Variants in ULK4 observed in about 807,000 individuals in gnomAD.
ULK4 encodes unc-51 like kinase 4, also known as inactive serine/threonine-protein kinase ULK4.
In ULK4, 133 loss-of-function variants were observed where a neutral mutation model predicts 160.6. The observed-to-expected ratio is 0.83, with a 90% confidence interval of 0.72 to 0.96. The LOEUF (loss-of-function observed/expected upper bound fraction) is 0.96, where lower values mean the gene tolerates loss of function less well. ULK4 is among the 40% of genes least tolerant of loss of function. The pLI, the probability that ULK4 is intolerant of heterozygous loss-of-function variation, is 0.00. For missense variants in ULK4, 1,580 were observed against 1,499.5 expected (o/e 1.05, Z -0.89); for synonymous variants, 534 against 539.8 (o/e 0.99, Z 0.15).
intron 27 of ULK4, among the ~76,000 whole-genome samples, chr3:41,692,168 G>C (rs1001289295): frequency 7.3e-5 from 11 of 151,326 alleles, no homozygotes; most frequent in African/African-American, 2.7e-4. Flanking sequence ...AGCCAGGATC[G>C]TCTCGATCTC....
chr3:41,646,683 T>C (rs1357590745), intron 30 of ULK4, among the ~76,000 whole-genome samples: 1 of 152,224 alleles, frequency 6.6e-6, no homozygotes, highest in Non-Finnish European at 1.5e-5. Flanking sequence ...GGAGTTGCTC[T>C]TCTCAAGGAG....
intron 32 of ULK4, among the ~76,000 whole-genome samples, chr3:41,532,129 C>A (rs2125941647): frequency 6.6e-6 from 1 of 152,324 alleles, no homozygotes; most frequent in Middle Eastern, 3.4e-3. Context: ...CACCTGTGTA[C>A]TCCGACCGCA....
At chr3:41,678,094 T>A (rs1164064700) in intron 29 of ULK4, among the ~76,000 whole-genome samples, 1 of 151,970 alleles carries the variant, frequency 6.6e-6, no homozygotes, top group Admixed American at 6.6e-5. Context: ...CTCCTGGGTC[T>A]CCAGCTTGTC....
intron 35 of ULK4, among the ~76,000 whole-genome samples, chr3:41,366,938 A>T (rs1183762870): frequency 2.0e-5 from 3 of 152,200 alleles, no homozygotes; most frequent in African/African-American, 7.2e-5. Context: ...GAACTCTTCA[A>T]GCTGGTCTTG....
At chr3:41,478,880 T>C (rs1161279120) in intron 32 of ULK4, among the ~76,000 whole-genome samples, 1 of 152,244 alleles carries the variant, frequency 6.6e-6, no homozygotes, top group African/African-American at 2.4e-5. Flanking sequence ...AACTAAATTC[T>C]ATTCTTAGCT....
At chr3:41,858,815 T>C (rs1209062638) in intron 17 of ULK4, among the ~76,000 whole-genome samples, 4 of 145,444 alleles carry the variant, frequency 2.8e-5, no homozygotes, top group South Asian at 2.2e-4. Context: ...CAAATTCTTT[T>C]TTCCCCCCCA....
intron 34 of ULK4, among the ~76,000 whole-genome samples, chr3:41,440,370 T>C (rs1427141923): frequency 6.6e-6 from 1 of 152,138 alleles, no homozygotes; most frequent in Non-Finnish European, 1.5e-5. Context: ...TCATCAGAAA[T>C]AAATGTTAGA....
At position 41,403,911 on chromosome 3, in the gene ULK4, T is replaced by C. The variant is rs184690670; in HGVS notation, c.3493-5647A>G. On this transcript the variant is annotated intron_variant, in intron 34 of 36. Transcript: ENST00000301831. Reference sequence around the variant, plus strand: ...AAATTTTCCTATTGTCGTTCTCTTATTGATTTCTAGTTTGATTCTATTGTT... The same window carrying C: ...AAATTTTCCTATTGTCGTTCTCTTACTGATTTCTAGTTTGATTCTATTGTT... Among the ~76,000 whole-genome samples, 8 of 152,312 alleles carry C rather than the reference T, an allele frequency of 5.3e-5. No individual in the cohort carries two copies. The East Asian group carries it at 1.2e-3, about 22-fold the overall frequency.
At chr3:41,766,672 T>G (rs2039172076) in intron 21 of ULK4, 1 of 152,254 alleles carries the variant, frequency 6.6e-6, no homozygotes, top group Non-Finnish European at 1.5e-5. Context: ...TAAATTTTCT[T>G]AATCTTAGTG....
At chr3:41,765,893 T>C (rs2039145737) in intron 21 of ULK4, among the ~76,000 whole-genome samples, 1 of 152,168 alleles carries the variant, frequency 6.6e-6, no homozygotes, top group Non-Finnish European at 1.5e-5. Context: ...AAACAACTGA[T>C]AAAAGGACTC....
chr3:41,853,522 A>G (rs77308305), intron 17 of ULK4, among the ~76,000 whole-genome samples: 6,492 of 152,292 alleles, frequency 0.043, 428 homozygotes, highest in African/African-American at 0.15. Flanking sequence ...GGGTTAGATC[A>G]CGTACCCTAC....
At position 41,442,397 on chromosome 3, in the gene ULK4, T is replaced by C. The variant is rs767985395; in HGVS notation, c.3492+13100A>G. Among the ~76,000 whole-genome samples, 67 of 152,232 alleles carry C rather than the reference T, an allele frequency of 4.4e-4. 1 individual carries two copies. The highest frequency in any genetic ancestry group is 8.8e-5 in the Non-Finnish European group (6 of 68,012). On this transcript the variant is annotated intron_variant, in intron 34 of 36. Transcript: ENST00000301831. The stretch of plus-strand genomic sequence containing the variant: ...AGAAGAAAACAGAAATCACATGTAG[T>C]TCTACCACCCAGAGTAAACCACTGC...
chr3:41,532,241 C>T (rs915445976), intron 32 of ULK4, among the ~76,000 whole-genome samples: 1 of 152,200 alleles, frequency 6.6e-6, no homozygotes, highest in African/African-American at 2.4e-5. Context: ...GGTGTGCGCC[C>T]ACTCTGAGCT....
At position 41,886,069 on chromosome 3, in the gene ULK4, G is replaced by A. The variant is rs572101222; in HGVS notation, c.1578-2117C>T. ...CTCATCTTTCACGTGCCTGGTCCTG[G>A]TTACCTCATAAGTAGGACCAACAAC... On this transcript the variant is annotated intron_variant, in intron 16 of 36. Transcript: ENST00000301831. 2.4e-4 allele frequency among the ~76,000 whole-genome samples: 37 copies of A among 152,190 alleles called. No homozygotes were observed. In the South Asian group the frequency reaches 7.5e-3, roughly 31 times the overall value.
chr3:41,401,120 GAA>G (rs34719893), intron 34 of ULK4, among the ~76,000 whole-genome samples: 1 of 151,764 alleles, frequency 6.6e-6, no homozygotes, highest in Non-Finnish European at 1.5e-5. Flanking sequence ...CTTTTGAAGA[GAA>G]AAAAAAGTTA....
intron 32 of ULK4, among the ~76,000 whole-genome samples, chr3:41,529,096 T>C (rs1485177371): frequency 3.9e-5 from 6 of 152,222 alleles, no homozygotes; most frequent in African/African-American, 1.4e-4. Context: ...AAGAGCCAAC[T>C]TGGCATACAC....
rs946729082 is a variant in ULK4, at chr3:41,533,470, A to G, written c.3226+32555T>C. On this transcript the variant is annotated intron_variant, in intron 32 of 36. Coordinates refer to ENST00000301831, the MANE Select transcript of ULK4 (RefSeq NM_017886.4). Reference sequence around the variant, plus strand: ...ACAATTTAATAACTAAATTTTATAAATATGTTGACGCGTGAAGATTTGAGA... The same window carrying G: ...ACAATTTAATAACTAAATTTTATAAGTATGTTGACGCGTGAAGATTTGAGA... Among the ~76,000 whole-genome samples the G allele has an allele frequency of 3.9e-5, 6 of 152,312 alleles. No individual in the cohort carries two copies. In the East Asian group the frequency reaches 1.2e-3, roughly 29 times the overall value.
chr3:41,350,591 C>T (rs2080890265), intron 35 of ULK4, among the ~76,000 whole-genome samples: 2 of 152,094 alleles, frequency 1.3e-5, no homozygotes, highest in African/African-American at 4.8e-5. Flanking sequence ...TTACTTGTAT[C>T]CAGCAACTCC....
At chr3:41,819,668 C>CT (rs1381784028) in intron 18 of ULK4, among the ~76,000 whole-genome samples, 162 bp from the exon 19 acceptor site, 3 of 152,118 alleles carry the variant, frequency 2.0e-5, no homozygotes, top group Non-Finnish European at 4.4e-5. Context: ...GATCAAGGAT[C>CT]TTTTACTGCA....
Sources: allele counts gnomAD v4.1 joint callset (sites outside exome capture counted in the v4.1 genomes callset), GRCh38; gene constraint gnomAD v4.1.1; transcripts MANE v1.5; gene names NCBI Gene and HGNC (gene_info 2026-07-23, HGNC 2026-07-21).